CCAR1: variants seen among roughly 807,000 people sequenced by gnomAD.
CCAR1 encodes the protein cell division cycle and apoptosis regulator protein 1.
Under a neutral mutation model 163.8 loss-of-function variants are expected in CCAR1, and 78 were observed. The observed-to-expected ratio is 0.48, with a 90% confidence interval of 0.40 to 0.57. CCAR1 has a LOEUF of 0.57. CCAR1 is among the 20% of genes least tolerant of loss of function. The pLI, the probability that CCAR1 is intolerant of heterozygous loss-of-function variation, is 0.00. For missense variants in CCAR1, 1,019 were observed against 1,365.2 expected (o/e 0.75, Z 4.00); for synonymous variants, 443 against 460.7 (o/e 0.96, Z 0.49).
At chr10:68,787,365 C>T (rs1353822603) in intron 21 of CCAR1, among the ~76,000 whole-genome samples, 1 of 151,942 alleles carries the variant, frequency 6.6e-6, no homozygotes, top group African/African-American at 2.4e-5. Context: ...ACAGATGTAC[C>T]ATAATTTACC....
At chr10:68,760,896 C>A (rs899689130) in intron 15 of CCAR1, 111 bp from the exon 16 acceptor site, 6 of 399,376 alleles carry the variant, frequency 1.5e-5, no homozygotes, top group South Asian at 4.0e-5. Flanking sequence ...AAAAAAAACA[C>A]ACAAAATATA....
rs1026109743 is a variant in CCAR1 at position 68,771,259 on chromosome 10, C to T, written c.2352C>T (p.Val784=). The T allele has an allele frequency of 1.2e-6, 2 of 1,600,340 alleles. No homozygotes were observed. The highest frequency in any genetic ancestry group is 2.7e-5 in the African/African-American group (2 of 73,878). ...AAATGCTTCAAAGAGATTTTGGTGT[C>T]CGTATATACAAATCATTACTGTCTC... ...FNEMLQRDFG[V]RIYKSLLSLP... Residue 784 remains valine (V), a synonymous_variant, in exon 18 of 25, where the codon GTC becomes GTT. Transcript: ENST00000265872.
At chr10:68,741,228 T>G (rs2056180241) in intron 5 of CCAR1, among the ~76,000 whole-genome samples, 1 of 152,108 alleles carries the variant, frequency 6.6e-6, no homozygotes, top group Non-Finnish European at 1.5e-5. Flanking sequence ...GAGGTTTTAT[T>G]TTAAACTTAA....
chr10:68,742,635 G>A, intron 6 of CCAR1, 66 bp downstream of exon 6: 1 of 1,280,990 alleles, frequency 7.8e-7, no homozygotes, highest in Non-Finnish European at 1.1e-6. Flanking sequence ...TTTAGTTGTG[G>A]CAGAAATTGT....
rs2056368730 is a variant in CCAR1, at chr10:68,753,968, A to G, written c.1235A>G (p.Gln412Arg). Residue 412 changes from glutamine (Q) to arginine (R), a missense_variant, in exon 11 of 25, where the codon CAG becomes CGG. This residue lies in a region of CCAR1 where 644 missense variants were observed against 904.4 expected (regional missense o/e 0.71). Coordinates refer to ENST00000265872, the MANE Select transcript of CCAR1 (RefSeq NM_018237.4). ...VDAFPLSRPF[Q>R]LGNYCNFYVM... ...GCTTTCCCTTTGTCAAGACCATTTC[A>G]GCTGGGAAATTACTGCAATTTTTAT... 1 of 1,613,844 alleles carries G rather than the reference A, an allele frequency of 6.2e-7. No individual in the cohort carries two copies.
intron 19 of CCAR1, among the ~76,000 whole-genome samples, chr10:68,783,252 C>T (rs1194921229): frequency 6.6e-6 from 1 of 151,914 alleles, no homozygotes; most frequent in Admixed American, 6.6e-5. Flanking sequence ...TGCAGTGGCA[C>T]GATCTTGGCT....
At chr10:68,735,646 T>C (rs1301401692) in intron 2 of CCAR1, 1 of 152,108 alleles carries the variant, frequency 6.6e-6, no homozygotes, top group Non-Finnish European at 1.5e-5. Context: ...GCCCAAGTGA[T>C]CCTCCTACTT....
At chr10:68,789,483 C>A (rs1311799448) in intron 23 of CCAR1, among the ~76,000 whole-genome samples, 1 of 151,780 alleles carries the variant, frequency 6.6e-6, no homozygotes, top group East Asian at 2.0e-4. Context: ...CAGCCAAGAT[C>A]GTGCCACTTC....
At chr10:68,757,496 C>G in intron 15 of CCAR1, 119 bp downstream of exon 15, 2 of 534,282 alleles carry the variant, frequency 3.7e-6, no homozygotes, top group Non-Finnish European at 6.6e-6. Context: ...CTCACTTCAG[C>G]CTCTGCCTCC....
In CCAR1 at chr10:68,749,397, A is replaced by G. The variant is rs193022549; in HGVS notation, c.957-127A>G. 6.3e-6 allele frequency: 8 copies of G among 1,274,322 alleles called. No homozygotes were observed. In the Admixed American group the frequency reaches 1.1e-4, roughly 18 times the overall value. 78.9% of individuals were successfully genotyped at this position (1,274,322 alleles called of 1,614,324 possible). A position where few individuals can be genotyped will look rare whatever the true frequency, so the allele number is the denominator to read the frequency against. On this transcript the variant is annotated intron_variant, in intron 9 of 24. Coordinates refer to ENST00000265872, the MANE Select transcript of CCAR1 (RefSeq NM_018237.4). The stretch of plus-strand genomic sequence containing the variant: ...AATTTTATGTTATGTCTATTTTACT[A>G]CAATTTTTAAAAAGTTAAACAAATA...
intron 19 of CCAR1, among the ~76,000 whole-genome samples, chr10:68,774,747 G>A (rs931090411): frequency 6.6e-6 from 1 of 152,046 alleles, no homozygotes; most frequent in African/African-American, 2.4e-5. Flanking sequence ...TTTCGCCTAA[G>A]TTTTATAAGA....
At chr10:68,785,516 C>G in intron 19 of CCAR1, among the ~76,000 whole-genome samples, 1 of 152,158 alleles carries the variant, frequency 6.6e-6, no homozygotes, top group Admixed American at 6.6e-5. Flanking sequence ...GCCACTGTAC[C>G]TGGCTGTAAA....
intron 4 of CCAR1, among the ~76,000 whole-genome samples, chr10:68,740,403 G>C (rs759745729): frequency 6.6e-6 from 1 of 152,142 alleles, no homozygotes; most frequent in Non-Finnish European, 1.5e-5. Flanking sequence ...GGGTGCAGTG[G>C]CTCATGTCTG....
chr10:68,778,722 A>G (rs1339057896), intron 19 of CCAR1, among the ~76,000 whole-genome samples: 1 of 152,210 alleles, frequency 6.6e-6, no homozygotes, highest in Non-Finnish European at 1.5e-5. Context: ...GGCTCCAAAT[A>G]TATGTTGATA....
intron 13 of CCAR1, 65 bp downstream of exon 13, chr10:68,755,601 G>A (rs776823287): frequency 3.9e-5 from 54 of 1,384,012 alleles, no homozygotes; most frequent in Middle Eastern, 2.0e-4. Flanking sequence ...TGTTCTTATC[G>A]ATCAGCCTTT....
At chr10:68,755,160 T>G (rs750135507) in intron 12 of CCAR1, 1 of 737,314 alleles carries the variant, frequency 1.4e-6, no homozygotes, top group Non-Finnish European at 2.5e-6. Context: ...TGAAGAAATA[T>G]TTTAAAAGGA....
chr10:68,777,243 CT>C (rs1444586130), intron 19 of CCAR1, among the ~76,000 whole-genome samples: 1 of 152,206 alleles, frequency 6.6e-6, no homozygotes, highest in African/African-American at 2.4e-5. Context: ...TAATAGACCC[CT>C]AACCTGTTTA....
intron 19 of CCAR1, among the ~76,000 whole-genome samples, chr10:68,777,311 G>A (rs1463938393): frequency 1.3e-5 from 2 of 152,046 alleles, no homozygotes; most frequent in African/African-American, 2.4e-5. Context: ...AATGATCTTC[G>A]CAAAATTTAG....
intron 4 of CCAR1, 46 bp from the exon 5 acceptor site, chr10:68,740,583 A>G (rs113977900): frequency 2.7e-5 from 42 of 1,528,446 alleles, no homozygotes; most frequent in African/African-American, 4.1e-5. Context: ...TGAAGCAACA[A>G]TTCTGATTGA....
Sources: gnomAD v4.1 joint callset for allele counts (sites outside exome capture counted in the v4.1 genomes callset) on GRCh38, gnomAD v4.1.1 for gene constraint, gnomAD v4.1.1 regional missense constraint, MANE v1.5 for transcripts, NCBI Gene and HGNC (gene_info 2026-07-23, HGNC 2026-07-21) for gene names.